Variants in WDR31 observed in about 807,000 individuals in gnomAD.
The protein encoded by WDR31 is WD repeat domain 31.
WDR31 carries 30 observed loss-of-function variants against 47.3 expected under a neutral mutation model. That is an observed-to-expected ratio of 0.63 (90% CI 0.47 to 0.86). The LOEUF (loss-of-function observed/expected upper bound fraction) is 0.86, where lower values mean the gene tolerates loss of function less well. Ranked by LOEUF, WDR31 falls within the 40% of genes least tolerant of loss-of-function variation. The pLI is 0.00. For synonymous variants in WDR31, 137 were observed against 159.4 expected, an observed-to-expected ratio of 0.86 and a Z score of 1.06; for missense variants, 406 against 442.9, an observed-to-expected ratio of 0.92 and a Z score of 0.75.
rs1334810298 is a variant in WDR31 at position 113,316,834 on chromosome 9, A to C, written c.1019T>G (p.Leu340Trp). 1 of 1,614,080 alleles carries C rather than the reference A, an allele frequency of 6.2e-7. No individual in the cohort carries two copies. Among genetic ancestry groups the C allele is most frequent in the Non-Finnish European group, 8.5e-7 (1 of 1,180,052 alleles). ...SLAVGDAISL[L>W]CASFNRGIHL... ...AATTCCTCTGTTAAAACTTGCACAC[A>C]ATAAGGAGATGGCGTCACCAACAGC... is the stretch of plus-strand genomic sequence containing the variant. The change falls in exon 11 of 11, where the codon TTG (leucine) becomes TGG (tryptophan). Residue 340 changes from leucine (L) to tryptophan (W), a missense_variant. By Grantham distance (61) the Leu-to-Trp change is moderately conservative. Coordinates refer to ENST00000374193, the MANE Select transcript of WDR31 (RefSeq NM_001012361.4).
At position 113,321,571 on chromosome 9, in the gene WDR31, T is replaced by C. The variant is rs749816699; in HGVS notation, c.578A>G (p.His193Arg). The change falls in exon 8 of 11, where the codon CAC becomes CGC. Residue 193 changes from histidine to arginine, a missense_variant. Physicochemically the swap from His to Arg is conservative, Grantham distance 29 (BLOSUM62 0). Coordinates refer to ENST00000374193, the MANE Select transcript of WDR31 (RefSeq NM_001012361.4). ...TGGTTCTCTGGGGACCCAGCACAGG[T>C]GAGTGACCTAGAAAAAGCAAAATGT... is the stretch of plus-strand genomic sequence containing the variant. The part of the protein sequence containing the change: ...RASVSRNVVT[H>R]LCWVPREPYI... The C allele has an allele frequency of 6.2e-7, 1 of 1,613,942 alleles. No individual in the cohort carries two copies. The highest frequency in any genetic ancestry group is 2.2e-5 in the East Asian group (1 of 44,896).
intron 9 of WDR31, 34 bp downstream of exon 9, chr9:113,320,323 C>T (rs1444157064): frequency 3.7e-6 from 6 of 1,610,322 alleles, no homozygotes; most frequent in Non-Finnish European, 5.1e-6. Flanking sequence ...TGTTCATCAG[C>T]AACCAGATAC....
At chr9:113,331,549 C>A (rs1833596566) in intron 3 of WDR31, among the ~76,000 whole-genome samples, 1 of 152,200 alleles carries the variant, frequency 6.6e-6, no homozygotes, top group African/African-American at 2.4e-5. Flanking sequence ...TGGGCTCAAG[C>A]AATCCTCCCA....
At chr9:113,327,855 GGC>G (rs1833511791) in intron 5 of WDR31, among the ~76,000 whole-genome samples, 1 of 152,206 alleles carries the variant, frequency 6.6e-6, no homozygotes, top group East Asian at 1.9e-4. Context: ...GGGTGGCCAA[GGC>G]AGAAGAATAG....
chr9:113,332,167 C>T, intron 2 of WDR31, 117 bp from the exon 3 acceptor site: 1 of 665,352 alleles, frequency 1.5e-6, no homozygotes, highest in Non-Finnish European at 2.5e-6. Flanking sequence ...TCCTCCTCAC[C>T]CTGCTTCACA....
chr9:113,324,389 C>CTTTTTTTTTTTTTTT (rs536508042), intron 5 of WDR31, among the ~76,000 whole-genome samples: 3 of 129,130 alleles, frequency 2.3e-5, no homozygotes, highest in African/African-American at 9.0e-5. Flanking sequence ...AATTTCATTC[C>CTTTTTTTTTTTTTTT]TTTTTTTTTT....
chr9:113,331,064 A>AAG lies in WDR31; in HGVS notation c.168_169insCT (p.Tyr57LeufsTer16). The stretch of plus-strand genomic sequence containing the variant: ...ACGGTATCCATGTGAGCTGGGCTAT[A>AAG]CTCTTGAAAAGCTTTAGTTTGAATT... On this transcript the variant is annotated frameshift_variant, in exon 4 of 11. Coordinates refer to ENST00000374193, the MANE Select transcript of WDR31 (RefSeq NM_001012361.4). LOFTEE classifies it high-confidence loss of function. 6.2e-7 allele frequency: 1 copy of AAG among 1,608,250 alleles called. No individual in the cohort carries two copies. Among genetic ancestry groups the AAG allele is most frequent in the Non-Finnish European group, 8.5e-7 (1 of 1,176,914 alleles).
At chr9:113,333,633 G>A (rs1407637798) in intron 2 of WDR31, among the ~76,000 whole-genome samples, 3 of 149,490 alleles carry the variant, frequency 2.0e-5, no homozygotes, top group Non-Finnish European at 4.4e-5. Flanking sequence ...CACCCGCCTC[G>A]GCCTCCCAAA....
chr9:113,318,604 A>G lies in WDR31; in HGVS notation c.814T>C (p.Cys272Arg), dbSNP rs759844061. 7.4e-6 allele frequency: 12 copies of G among 1,614,066 alleles called. No homozygotes were observed. The highest frequency in any genetic ancestry group is 1.0e-5 in the Non-Finnish European group (12 of 1,180,028). ...GTCTGGAAATGCCCCTTATACTCAC[A>G]TATTCTGTTTCGAGTCTGTCTTAGG... ...WDLRQTRNRI[C>R]EYKGHFQTVA... is the part of the protein sequence containing the mutation. The change falls in exon 10 of 11, where the codon TGT (cysteine) becomes CGT (arginine). Residue 272 changes from cysteine to arginine, a missense_variant. Physicochemically the swap from Cys to Arg is radical, Grantham distance 180. Transcript: ENST00000374193.
rs758405521 is a variant in WDR31 at position 113,322,948 on chromosome 9, G to C, written c.470-37C>G. On this transcript the variant is annotated intron_variant, in intron 6 of 10. Transcript: ENST00000374193. ...ATGGTGAGAAGACAGCCTGTGAGTGGGGACCTGAACGGGGCTTTTCAGAAA... is the reference window on the plus strand; with the variant it reads ...ATGGTGAGAAGACAGCCTGTGAGTGCGGACCTGAACGGGGCTTTTCAGAAA... 14 of 1,613,864 alleles carry C rather than the reference G, an allele frequency of 8.7e-6. No individual in the cohort carries two copies. In the African/African-American group the frequency reaches 1.9e-4, roughly 22 times the overall value.
intron 2 of WDR31, among the ~76,000 whole-genome samples, chr9:113,334,034 G>A (rs1833662386): frequency 6.7e-6 from 1 of 148,702 alleles, no homozygotes; most frequent in Admixed American, 6.7e-5. Flanking sequence ...TTTGAGACAG[G>A]GTCTCACTCT....
chr9:113,339,930 T>TC (rs1213737663), intron 1 of WDR31, among the ~76,000 whole-genome samples: 6 of 152,138 alleles, frequency 3.9e-5, no homozygotes, highest in African/African-American at 9.7e-5. Flanking sequence ...AGACAGGGTT[T>TC]CACTGTGTTG....
intron 1 of WDR31, among the ~76,000 whole-genome samples, chr9:113,339,593 A>G (rs984085992): frequency 1.3e-5 from 2 of 152,222 alleles, no homozygotes; most frequent in African/African-American, 4.8e-5. Flanking sequence ...AGAGTCACAC[A>G]GGGAGCCAGT....
chr9:113,334,703 C>CTT (rs71367719), intron 2 of WDR31, among the ~76,000 whole-genome samples: 221 of 62,998 alleles, frequency 3.5e-3, no homozygotes, highest in East Asian at 6.0e-3. Flanking sequence ...CTACATCAGG[C>CTT]TTTTTTTTTT....
At chr9:113,331,850 T>G in intron 3 of WDR31, 57 bp downstream of exon 3, 1 of 1,528,304 alleles carries the variant, frequency 6.5e-7, no homozygotes, top group East Asian at 2.3e-5. Context: ...CTTTCTTCAG[T>G]GGAGAGTTTT....
At chr9:113,329,744 C>T (rs976909581) in intron 4 of WDR31, among the ~76,000 whole-genome samples, 6 of 151,982 alleles carry the variant, frequency 3.9e-5, no homozygotes, top group Non-Finnish European at 7.4e-5. Context: ...GAGGCTGAGG[C>T]GGGCGGATCA....
chr9:113,332,988 T>A (rs1833631293), intron 2 of WDR31, among the ~76,000 whole-genome samples: 1 of 152,174 alleles, frequency 6.6e-6, no homozygotes, highest in Admixed American at 6.5e-5. Flanking sequence ...GGTGGAAGCT[T>A]CCTGAGCCCT....
intron 5 of WDR31, among the ~76,000 whole-genome samples, chr9:113,324,396 T>C (rs1368912855): frequency 6.6e-6 from 1 of 151,182 alleles, no homozygotes; most frequent in African/African-American, 2.4e-5. Context: ...TTCCTTTTTT[T>C]TTTTTTTTTT....
intron 4 of WDR31, among the ~76,000 whole-genome samples, chr9:113,330,643 G>A (rs1398515525): frequency 6.6e-6 from 1 of 152,184 alleles, no homozygotes; most frequent in Non-Finnish European, 1.5e-5. Flanking sequence ...TGGGATTGGT[G>A]GTAAGTATAA....
Sources: allele counts gnomAD v4.1 joint callset (sites outside exome capture counted in the v4.1 genomes callset), GRCh38; gene constraint gnomAD v4.1.1; transcripts MANE v1.5; gene names NCBI Gene and HGNC (gene_info 2026-07-23, HGNC 2026-07-21).